The following ZC3H12B variants were observed in gnomAD, a reference collection of about 807,000 sequenced individuals.
The protein encoded by ZC3H12B is probable ribonuclease ZC3H12B.
ZC3H12B carries 7 observed loss-of-function variants against 43.9 expected under a neutral mutation model. That is an observed-to-expected ratio of 0.16 (90% CI 0.09 to 0.30). The LOEUF (loss-of-function observed/expected upper bound fraction) is 0.30, where lower values mean the gene tolerates loss of function less well. ZC3H12B is among the 10% of genes least tolerant of loss of function. The pLI, the probability that ZC3H12B is intolerant of heterozygous loss-of-function variation, is 1.00. For missense variants in ZC3H12B, 475 were observed against 670.2 expected (o/e 0.71, Z 3.22); for synonymous variants, 222 against 241.7 (o/e 0.92, Z 0.76).
chrX:65,378,251 C>A (rs779098581), intron 2 of ZC3H12B, among the ~76,000 whole-genome samples: 18 of 111,590 alleles, frequency 1.6e-4, no homozygotes, highest in Admixed American at 2.9e-4. Flanking sequence ...AAAAGAACTA[C>A]AACTTTTCAA....
the ZC3H12B span, among the ~76,000 whole-genome samples, chrX:65,148,457 C>T: frequency 1.8e-5 from 2 of 111,583 alleles, no homozygotes; most frequent in African/African-American, 3.3e-5. Flanking sequence ...TGCCTAGACC[C>T]TGAGTCTTTG....
intron 3 of ZC3H12B, among the ~76,000 whole-genome samples, chrX:65,428,059 C>G (rs755404981): frequency 3.9e-4 from 44 of 111,698 alleles, no homozygotes; most frequent in African/African-American, 1.3e-3. Flanking sequence ...GGTTGAAAAC[C>G]TTTTTCTTTA....
At chrX:65,335,205 G>T in the ZC3H12B span, among the ~76,000 whole-genome samples, 8 of 111,743 alleles carry the variant, frequency 7.2e-5, no homozygotes, top group Non-Finnish European at 1.3e-4. Context: ...AATTCCCAGG[G>T]TTTCATAAGG....
the ZC3H12B span, among the ~76,000 whole-genome samples, chrX:65,178,041 CA>C: frequency 3.6e-5 from 4 of 112,099 alleles, no homozygotes; most frequent in Non-Finnish European, 5.6e-5. Context: ...ACCAAAACAG[CA>C]TGGTACTGGT....
chrX:65,257,581 C>G, the ZC3H12B span, among the ~76,000 whole-genome samples: 1 of 109,920 alleles, frequency 9.1e-6, no homozygotes, highest in Admixed American at 9.7e-5. Flanking sequence ...TGCACATGTA[C>G]TCTAGAACTT....
At chrX:65,350,711 C>T in the ZC3H12B span, among the ~76,000 whole-genome samples, 2 of 111,488 alleles carry the variant, frequency 1.8e-5, no homozygotes, top group Non-Finnish European at 3.8e-5. Flanking sequence ...AGTGAACTCC[C>T]GTTCACATTT....
intron 3 of ZC3H12B, among the ~76,000 whole-genome samples, chrX:65,481,262 C>G (rs889767428): frequency 8.9e-6 from 1 of 111,870 alleles, no homozygotes; most frequent in Non-Finnish European, 1.9e-5. Flanking sequence ...CTTACACCTC[C>G]TTGGTATTCC....
the ZC3H12B span, among the ~76,000 whole-genome samples, chrX:65,137,527 C>G: frequency 9.0e-6 from 1 of 111,667 alleles, no homozygotes; most frequent in Non-Finnish European, 1.9e-5. Context: ...GCAATTTAAG[C>G]CACTCATAAG....
At chrX:65,380,813 G>A (rs990666002) in intron 2 of ZC3H12B, among the ~76,000 whole-genome samples, 18 of 111,357 alleles carry the variant, frequency 1.6e-4, no homozygotes, top group African/African-American at 5.9e-4. Context: ...CCTAGTCTCT[G>A]ATAAAACAGA....
chrX:65,486,118 A>G (rs1043427401), upstream of ZC3H12B, among the ~76,000 whole-genome samples: 2 of 112,330 alleles, frequency 1.8e-5, no homozygotes, highest in African/African-American at 6.5e-5. Context: ...AGAGTTGAGT[A>G]TTTCCTCTTC....
the ZC3H12B span, among the ~76,000 whole-genome samples, chrX:65,249,183 A>G: frequency 9.0e-6 from 1 of 111,678 alleles, no homozygotes; most frequent in African/African-American, 3.3e-5. Flanking sequence ...GGGTTTTTCA[A>G]TGTTATCTTC....
chrX:65,189,068 T>G, the ZC3H12B span, among the ~76,000 whole-genome samples: 1 of 102,028 alleles, frequency 9.8e-6, no homozygotes, highest in African/African-American at 3.6e-5. Flanking sequence ...GTTCTTGCGA[T>G]AGTTTACTGA....
the ZC3H12B span, among the ~76,000 whole-genome samples, chrX:65,175,321 G>C: frequency 9.0e-6 from 1 of 111,226 alleles, no homozygotes; most frequent in African/African-American, 3.3e-5. Flanking sequence ...CTGTTCCTTT[G>C]GCCTTCTTGC....
chrX:65,221,786 T>C, the ZC3H12B span, among the ~76,000 whole-genome samples: 1 of 110,891 alleles, frequency 9.0e-6, no homozygotes, highest in Admixed American at 9.6e-5. Flanking sequence ...TTGGTGCAAG[T>C]CCTGTTGACA....
the ZC3H12B span, among the ~76,000 whole-genome samples, chrX:65,310,506 C>G: frequency 9.0e-6 from 1 of 111,566 alleles, no homozygotes; most frequent in African/African-American, 3.3e-5. Context: ...AAAAGACAAA[C>G]AAATGGAAGA....
At chrX:65,110,589 G>A in the ZC3H12B span, among the ~76,000 whole-genome samples, 1 of 110,924 alleles carries the variant, frequency 9.0e-6, no homozygotes, top group Admixed American at 9.6e-5. Flanking sequence ...ATTTATGTGG[G>A]TCTATTTCTG....
chrX:65,243,722 G>A, the ZC3H12B span, among the ~76,000 whole-genome samples: 1 of 112,191 alleles, frequency 8.9e-6, no homozygotes, highest in Non-Finnish European at 1.9e-5. Context: ...ATCAACCTAA[G>A]TGTCTATCAA....
At chrX:65,320,652 A>G in the ZC3H12B span, among the ~76,000 whole-genome samples, 1 of 112,457 alleles carries the variant, frequency 8.9e-6, no homozygotes, top group Non-Finnish European at 1.9e-5. Context: ...AAGCTATACT[A>G]CAGCATTACA....
chrX:65,079,453 C>G, the ZC3H12B span, among the ~76,000 whole-genome samples: 1 of 112,492 alleles, frequency 8.9e-6, no homozygotes, highest in African/African-American at 3.2e-5. Flanking sequence ...CAGGTCTGAC[C>G]CAGCACAGTC....
Sources: allele counts gnomAD v4.1 joint callset (sites outside exome capture counted in the v4.1 genomes callset), GRCh38; gene constraint gnomAD v4.1.1; transcripts MANE v1.5; gene names NCBI Gene and HGNC (gene_info 2026-07-23, HGNC 2026-07-21).